The following WDR59 variants were observed in gnomAD, a reference collection of about 807,000 sequenced individuals.
The protein encoded by WDR59 is GATOR2 complex protein WDR59.
A neutral mutation model predicts 131.2 loss-of-function variants in WDR59; 100 were observed. That is an observed-to-expected ratio of 0.76 (90% CI 0.65 to 0.90). WDR59 has a LOEUF of 0.90. Among genes scored for constraint, WDR59 ranks in the 40% least tolerant of loss-of-function variants. The pLI, the probability that WDR59 is intolerant of heterozygous loss-of-function variation, is 0.00. For missense variants in WDR59, 1,203 were observed against 1,262.2 expected (o/e 0.95, Z 0.71); for synonymous variants, 601 against 466.2 (o/e 1.29, Z -3.72).
At chr16:74,904,591 T>C (rs1399003814) in intron 17 of WDR59, among the ~76,000 whole-genome samples, 3 of 152,170 alleles carry the variant, frequency 2.0e-5, no homozygotes, top group African/African-American at 7.2e-5. Context: ...AAGACATCAA[T>C]TTTCTCTAAA....
intron 8 of WDR59, among the ~76,000 whole-genome samples, chr16:74,931,952 T>A (rs72798648): frequency 2.0e-5 from 3 of 151,946 alleles, no homozygotes; most frequent in African/African-American, 4.8e-5. Context: ...AAACTCTTAA[T>A]ATAAACTTTT....
At chr16:74,953,193 C>G (rs1479523669) in intron 3 of WDR59, among the ~76,000 whole-genome samples, 1 of 152,148 alleles carries the variant, frequency 6.6e-6, no homozygotes, top group African/African-American at 2.4e-5. Flanking sequence ...GCCTTCCAGC[C>G]AGGGGCAGTG....
At chr16:74,916,041 A>T (rs1445440231) in intron 12 of WDR59, 47 bp from the exon 13 acceptor site, 1 of 1,613,992 alleles carries the variant, frequency 6.2e-7, no homozygotes. Flanking sequence ...TTTGAAAATG[A>T]AACAGAGAAC....
chr16:74,984,893 A>T, intron 1 of WDR59, 71 bp downstream of exon 1: 1 of 1,567,026 alleles, frequency 6.4e-7, no homozygotes, highest in South Asian at 1.2e-5. Flanking sequence ...CCCGGGACGG[A>T]AGCAGCCGCG....
At chr16:74,908,498 T>C (rs942395054) in intron 17 of WDR59, among the ~76,000 whole-genome samples, 5 of 152,234 alleles carry the variant, frequency 3.3e-5, no homozygotes, top group Non-Finnish European at 5.9e-5. Context: ...TTACATATTG[T>C]TTGGTAATAT....
chr16:74,881,376 T>C (rs1490956404), intron 25 of WDR59, among the ~76,000 whole-genome samples: 1 of 151,978 alleles, frequency 6.6e-6, no homozygotes, highest in Non-Finnish European at 1.5e-5. Flanking sequence ...TTTTTTTTTT[T>C]AGAGACAGTT....
intron 3 of WDR59, among the ~76,000 whole-genome samples, chr16:74,952,183 G>C (rs2033041419): frequency 6.6e-6 from 1 of 151,900 alleles, no homozygotes. Context: ...GGCTGGGCTT[G>C]GTGGCTCATG....
At chr16:74,938,360 A>G in intron 7 of WDR59, 94 bp from the exon 8 acceptor site, 1 of 805,866 alleles carries the variant, frequency 1.2e-6, no homozygotes. Context: ...TGAGGATGCA[A>G]AAATACTACC....
Position 74,932,408 on chromosome 16 carries a change from T to C in WDR59, c.651+5742A>G, listed in dbSNP as rs112234926. ...CCCAGCCAAGAGTATCTTTTGAAAA[T>C]TGAGTCATGAAACATAATTTTTACA... On this transcript the variant is annotated intron_variant, in intron 8 of 25. Transcript: ENST00000262144. Among the ~76,000 whole-genome samples the C allele has an allele frequency of 4.9e-4, 72 of 147,676 alleles. 1 individual carries two copies. The highest frequency in any genetic ancestry group is 3.5e-3 in the Middle Eastern group (1 of 288).
intron 20 of WDR59, among the ~76,000 whole-genome samples, chr16:74,890,694 C>G (rs984133922): frequency 6.6e-5 from 10 of 152,182 alleles, no homozygotes; most frequent in African/African-American, 2.2e-4. Context: ...AATACCTCCC[C>G]GACTTGAAAT....
intron 20 of WDR59, 95 bp from the exon 21 acceptor site, chr16:74,889,910 G>A (rs1964956146): frequency 4.6e-6 from 4 of 864,608 alleles, no homozygotes; most frequent in Admixed American, 2.7e-5. Flanking sequence ...AAAACCTGAT[G>A]CCTTGCTACA....
At chr16:74,893,606 A>AC in intron 19 of WDR59, 73 bp downstream of exon 19, 1 of 1,483,132 alleles carries the variant, frequency 6.7e-7, no homozygotes, top group Non-Finnish European at 9.1e-7. Flanking sequence ...GGATTCCCAC[A>AC]CTCAAAAAAA....
intron 25 of WDR59, among the ~76,000 whole-genome samples, chr16:74,877,232 C>A (rs1005322606): frequency 2.0e-5 from 3 of 151,696 alleles, no homozygotes; most frequent in Non-Finnish European, 4.4e-5. Context: ...TTGTGTATAT[C>A]TCAAAACACA....
intron 1 of WDR59, among the ~76,000 whole-genome samples, chr16:74,973,255 T>C (rs182423209): frequency 6.6e-6 from 1 of 150,612 alleles, no homozygotes; most frequent in African/African-American, 2.5e-5. Flanking sequence ...AACCATAAAA[T>C]TATACATGAA....
At chr16:74,942,329 A>G (rs1437680399) in intron 7 of WDR59, among the ~76,000 whole-genome samples, 1 of 152,170 alleles carries the variant, frequency 6.6e-6, no homozygotes, top group Non-Finnish European at 1.5e-5. Flanking sequence ...GAGAACAAAT[A>G]CATTTCACTT....
At chr16:74,920,395 T>A (rs4888311) in intron 10 of WDR59, among the ~76,000 whole-genome samples, 107,725 of 151,824 alleles carry the variant, frequency 0.71, 38,607 homozygotes, top group East Asian at 0.84. Flanking sequence ...TTAGGTGGGT[T>A]AAATATATAT....
chr16:74,928,831 C>T (rs560008713), intron 8 of WDR59, among the ~76,000 whole-genome samples: 63 of 152,172 alleles, frequency 4.1e-4, no homozygotes, highest in African/African-American at 1.4e-3. Context: ...ATCGCTTGAA[C>T]CCAGGAGGTG....
chr16:74,970,888 TA>T lies in WDR59; in HGVS notation c.55-5067del, dbSNP rs77798704. On this transcript the variant is annotated intron_variant, in intron 1 of 25. Transcript: ENST00000262144. ...GACAACATGATTAAACCACACCTTT[TA>T]AAAAAAAAAAAAATTAGCCAGGAAT... Among the ~76,000 whole-genome samples, 516 of 143,404 alleles carry T rather than the reference TA, an allele frequency of 3.6e-3. 2 individuals are homozygous for T. Among genetic ancestry groups the T allele is most frequent in the Non-Finnish European group, 4.6e-3 (297 of 65,242 alleles). The allele number at this position is 143,404 out of a possible 152,430, so 94.1% of individuals were successfully genotyped here. A position where few individuals can be genotyped will look rare whatever the true frequency, so the allele number is the denominator to read the frequency against.
At chr16:74,903,077 T>C (rs1965629620) in intron 18 of WDR59, among the ~76,000 whole-genome samples, 6 of 152,226 alleles carry the variant, frequency 3.9e-5, no homozygotes, top group Admixed American at 3.9e-4. Context: ...AGGTTGGACA[T>C]TCTACTGCAA....
Sources: allele counts gnomAD v4.1 joint callset (sites outside exome capture counted in the v4.1 genomes callset), GRCh38; gene constraint gnomAD v4.1.1; transcripts MANE v1.5; gene names NCBI Gene and HGNC (gene_info 2026-07-23, HGNC 2026-07-21).